Variants in ZNF721 observed in about 807,000 individuals in gnomAD.
ZNF721 encodes zinc finger protein 721.
A neutral mutation model predicts 2.4 loss-of-function variants in ZNF721; 2 were observed. The ratio of observed to expected loss-of-function variants is 0.82; its 90% CI spans 0.34 to 2.58. ZNF721 has a LOEUF of 2.58. ZNF721 is among the 30% of genes most tolerant of loss of function. The probability of loss-of-function intolerance (pLI) is 0.11; values close to 1 mark genes in which losing one functional copy is unlikely to be tolerated. For synonymous variants in ZNF721, 398 were observed against 381.8 expected (o/e 1.04, Z -0.50); for missense variants, 1,187 against 1,085.5 (o/e 1.09, Z -1.31).
rs372640751 is a variant in ZNF721 at position 441,780 on chromosome 4, C to T, written c.2687G>A (p.Gly896Glu). Residue 896 changes from glycine (G) to glutamate (E), a missense_variant, in exon 3 of 3, where the codon GGA becomes GAA. Physicochemically the swap from Gly to Glu is moderately conservative, Grantham distance 98 (BLOSUM62 -2). Transcript: ENST00000511833. Reference sequence around the variant, plus strand: ...CTGTCTAAAGGTTTTGCCACAGTCTCCACACGTGTAGGGTTTCTCTCCAGT... The same window carrying T: ...CTGTCTAAAGGTTTTGCCACAGTCTTCACACGTGTAGGGTTTCTCTCCAGT... ...IHTGEKPYTCGDCGKTFRQSA... is the reference protein window; with the variant it reads ...IHTGEKPYTCEDCGKTFRQSA... 3.2e-5 allele frequency: 52 copies of T among 1,613,404 alleles called. No homozygotes were observed. In the African/African-American group the frequency reaches 6.6e-4, roughly 20 times the overall value.
chr4:458,939 AGAC>A (rs1714933471), intron 2 of ZNF721, among the ~76,000 whole-genome samples: 1 of 152,236 alleles, frequency 6.6e-6, no homozygotes, highest in African/African-American at 2.4e-5. Context: ...GAAGCCCATC[AGAC>A]TAACAGCAGA....
At position 442,401 on chromosome 4, in the gene ZNF721, T is replaced by A. The variant is rs78869802; in HGVS notation, c.2066A>T (p.Lys689Ile). ...GWSIALNQHK[K>I]IHTGEKPYKC... ...GTAAGGTTTTTCTCCAGTATGAATT[T>A]TCTTGTGTTGATTCAGGGCTATGGA... is the stretch of plus-strand genomic sequence containing the variant. Residue 689 changes from lysine (K) to isoleucine (I), a missense_variant, in exon 3 of 3, where the codon AAA becomes ATA. Coordinates refer to ENST00000511833, the MANE Select transcript of ZNF721 (RefSeq NM_133474.4). 3 of 1,611,904 alleles carry A rather than the reference T, an allele frequency of 1.9e-6. No homozygotes were observed. In the African/African-American group the frequency reaches 4.0e-5, roughly 22 times the overall value.
At chr4:480,009 TTG>T (rs1715733226) in intron 1 of ZNF721, among the ~76,000 whole-genome samples, 1 of 152,204 alleles carries the variant, frequency 6.6e-6, no homozygotes. Flanking sequence ...TGTCAGTGTA[TTG>T]TGTGTTTGGT....
In ZNF721 at chr4:440,931, G is replaced by A. The variant is rs1553863012; in HGVS notation, c.*764C>T. 2.6e-5 allele frequency: 4 copies of A among 152,342 alleles called. No individual in the cohort carries two copies. The highest frequency in any genetic ancestry group is 7.2e-5 in the African/African-American group (3 of 41,458). 9.4% of individuals were successfully genotyped at this position (152,342 alleles called of 1,614,324 possible). On this transcript the variant is annotated 3_prime_UTR_variant, in exon 3 of 3. Coordinates refer to ENST00000511833, the MANE Select transcript of ZNF721 (RefSeq NM_133474.4). ...TCCACCCTCCTTGGCCTCCCAAAGTGTTGGGATTACAGGCGTGAGCCACCG... is the reference window on the plus strand; with the variant it reads ...TCCACCCTCCTTGGCCTCCCAAAGTATTGGGATTACAGGCGTGAGCCACCG...
chr4:441,567 A>G lies in ZNF721; in HGVS notation c.*128T>C. Reference sequence around the variant, plus strand: ...GTTTCTCTTCATTATGAATTATCTTATGATTAGAAAGGATTGAGGAGCATT... The same window carrying G: ...GTTTCTCTTCATTATGAATTATCTTGTGATTAGAAAGGATTGAGGAGCATT... On this transcript the variant is annotated 3_prime_UTR_variant, in exon 3 of 3. Coordinates refer to ENST00000511833, the MANE Select transcript of ZNF721 (RefSeq NM_133474.4). 2 of 754,098 alleles carry G rather than the reference A, an allele frequency of 2.7e-6. No homozygotes were observed. Among genetic ancestry groups the G allele is most frequent in the Non-Finnish European group, 4.2e-6 (2 of 481,846 alleles). The allele number at this position is 754,098 out of a possible 1,614,324, so 46.7% of individuals were successfully genotyped here. A position where few individuals can be genotyped will look rare whatever the true frequency, so the allele number is the denominator to read the frequency against.
chr4:485,234 T>C (rs1265470079), intron 1 of ZNF721, among the ~76,000 whole-genome samples: 1 of 152,124 alleles, frequency 6.6e-6, no homozygotes, highest in African/African-American at 2.4e-5. Context: ...GTATTAATAT[T>C]CCAAGGTATT....
chr4:447,243 A>T (rs568291306), intron 2 of ZNF721, among the ~76,000 whole-genome samples: 18 of 152,004 alleles, frequency 1.2e-4, no homozygotes, highest in Non-Finnish European at 2.1e-4. Context: ...AATGGCATGA[A>T]CCCAGGAGGC....
At chr4:457,690 T>C (rs1553865551) in intron 2 of ZNF721, among the ~76,000 whole-genome samples, 1 of 152,148 alleles carries the variant, frequency 6.6e-6, no homozygotes, top group Non-Finnish European at 1.5e-5. Context: ...CCCCTGGATG[T>C]AGACTTGCCA....
At position 444,038 on chromosome 4, in the gene ZNF721, G is replaced by T. The variant is rs1276229465; in HGVS notation, c.429C>A (p.Gly143=). The T allele has an allele frequency of 6.2e-7, 1 of 1,613,636 alleles. No homozygotes were observed. The highest frequency in any genetic ancestry group is 8.5e-7 in the Non-Finnish European group (1 of 1,179,758). The change falls in exon 3 of 3, where the codon GGC becomes GGA. Residue 143 remains glycine (G), a synonymous_variant. Transcript: ENST00000511833. ...GEKPYTCEER[G]KDFGWYTDLN... ...GGTCTGTGTACCATCCAAAGTCTTTGCCACGTTCTTCACAAGTGTAGGGTT... is the reference window on the plus strand; with the variant it reads ...GGTCTGTGTACCATCCAAAGTCTTTTCCACGTTCTTCACAAGTGTAGGGTT...
At chr4:458,624 T>A (rs1184393048) in intron 2 of ZNF721, among the ~76,000 whole-genome samples, 6 of 152,092 alleles carry the variant, frequency 3.9e-5, no homozygotes, top group African/African-American at 1.4e-4. Context: ...GGCGGGCATA[T>A]CACCCAAGGT....
rs141174742 is a variant in ZNF721, at chr4:447,537, G to A, written c.35-3105C>T. 7.3e-3 allele frequency among the ~76,000 whole-genome samples: 1,103 copies of A among 152,096 alleles called. 12 individuals are homozygous for A. Among genetic ancestry groups the A allele is most frequent in the Middle Eastern group, 0.071 (21 of 294 alleles). On this transcript the variant is annotated intron_variant, in intron 2 of 2. Transcript: ENST00000511833. ...TCCAGCAAAAAAATCAATAAAACGT[G>A]TAAGTCTATTTCAGCAAATTATTCA...
At chr4:472,519 A>C (rs1715466913) in intron 2 of ZNF721, 56 bp downstream of exon 2, 1 of 1,556,368 alleles carries the variant, frequency 6.4e-7, no homozygotes, top group Non-Finnish European at 8.7e-7. Context: ...TTCTACAAAA[A>C]TAGAAAATAA....
intron 2 of ZNF721, among the ~76,000 whole-genome samples, chr4:467,235 C>CAAAT (rs1448983059): frequency 6.6e-6 from 1 of 151,136 alleles, no homozygotes; most frequent in Non-Finnish European, 1.5e-5. Context: ...AACAAACAAA[C>CAAAT]AAAAAAGGAT....
At chr4:486,504 T>C (rs1162267561) in intron 1 of ZNF721, among the ~76,000 whole-genome samples, 3 of 152,140 alleles carry the variant, frequency 2.0e-5, no homozygotes, top group Non-Finnish European at 2.9e-5. Context: ...TGCCCTATAG[T>C]TGCTCCTAAA....
chr4:477,241 C>T (rs1489627990), intron 1 of ZNF721, among the ~76,000 whole-genome samples: 2 of 147,330 alleles, frequency 1.4e-5, no homozygotes, highest in Admixed American at 1.4e-4. Context: ...GAGAATGAGA[C>T]ACTGGTGAGT....
intron 1 of ZNF721, among the ~76,000 whole-genome samples, chr4:487,778 CAAG>C: frequency 6.6e-6 from 1 of 152,224 alleles, no homozygotes; most frequent in South Asian, 2.1e-4. Flanking sequence ...TGACTTCCTA[CAAG>C]AAAAAACACC....
Position 442,198 on chromosome 4 carries a change from C to G in ZNF721, c.2269G>C (p.Glu757Gln). The stretch of plus-strand genomic sequence containing the variant: ...GACTGTTTAAACACTTTCCCACATT[C>G]TTTACATTTGTAGAGTTTATCTCCA... ...HTGDKLYKCK[E>Q]CGKVFKQSSH... Residue 757 changes from glutamate to glutamine, a missense_variant, in exon 3 of 3, where the codon GAA (glutamate) becomes CAA (glutamine). By Grantham distance (29) the Glu-to-Gln change is conservative (BLOSUM62 2). Transcript: ENST00000511833. 1 of 1,612,198 alleles carries G rather than the reference C, an allele frequency of 6.2e-7. No individual in the cohort carries two copies. Among genetic ancestry groups the G allele is most frequent in the Admixed American group, 1.7e-5 (1 of 59,624 alleles).
At chr4:456,330 G>A (rs1240049905) in intron 2 of ZNF721, among the ~76,000 whole-genome samples, 13 of 151,986 alleles carry the variant, frequency 8.6e-5, no homozygotes, top group East Asian at 3.9e-4. Flanking sequence ...TCAGCCTCCC[G>A]AAGTGCTGGG....
chr4:443,136 G>C lies in ZNF721; in HGVS notation c.1331C>G (p.Pro444Arg). The C allele has an allele frequency of 6.2e-7, 1 of 1,613,614 alleles. No individual in the cohort carries two copies. Among genetic ancestry groups the C allele is most frequent in the Non-Finnish European group, 8.5e-7 (1 of 1,179,822 alleles). ...TTTCCCACATTCTTTACATTTGTAG[G>C]GTTTATCTCCAGTATGAATTTTCTT... Reference protein sequence around the residue: ...EYKKIHTGDKPYKCKECGKAF... With the variant: ...EYKKIHTGDKRYKCKECGKAF... The change falls in exon 3 of 3, where the codon CCC (proline) becomes CGC (arginine). Residue 444 changes from proline to arginine, a missense_variant. Transcript: ENST00000511833.
Sources: allele counts gnomAD v4.1 joint callset (sites outside exome capture counted in the v4.1 genomes callset), GRCh38; gene constraint gnomAD v4.1.1; transcripts MANE v1.5; gene names NCBI Gene and HGNC (gene_info 2026-07-23, HGNC 2026-07-21).